Variants in TECR observed in about 807,000 individuals in gnomAD.
TECR encodes the protein very-long-chain enoyl-CoA reductase.
TECR carries 19 observed loss-of-function variants against 50.6 expected under a neutral mutation model. That is an observed-to-expected ratio of 0.38 (90% CI 0.26 to 0.55). The LOEUF (loss-of-function observed/expected upper bound fraction) is 0.55, where lower values mean the gene tolerates loss of function less well. TECR is among the 20% of genes least tolerant of loss of function. The pLI, the probability that TECR is intolerant of heterozygous loss-of-function variation, is 0.79. For missense variants in TECR, 313 were observed against 408.3 expected (o/e 0.77, Z 2.01); for synonymous variants, 168 against 163.5 (o/e 1.03, Z -0.21).
At chr19:14,549,137 G>A (rs994107755) in intron 1 of TECR, among the ~76,000 whole-genome samples, 1 of 151,600 alleles carries the variant, frequency 6.6e-6, no homozygotes, top group Non-Finnish European at 1.5e-5. Context: ...TTGCCCTATC[G>A]GCTGTAGTTT....
At chr19:14,564,759 T>G in intron 7 of TECR, 27 bp from the exon 8 acceptor site, 15 of 1,606,588 alleles carry the variant, frequency 9.3e-6, no homozygotes, top group Non-Finnish European at 1.3e-5. Context: ...CTGGCCCAAG[T>G]CCCATCCCTG....
intron 1 of TECR, among the ~76,000 whole-genome samples, chr19:14,541,192 G>C (rs1475002683): frequency 6.6e-6 from 1 of 152,152 alleles, no homozygotes; most frequent in African/African-American, 2.4e-5. Flanking sequence ...TGCCCAGGCT[G>C]GTCTTGAACT....
rs1246611374 is a variant in TECR at position 14,529,594 on chromosome 19, G to C, written c.-103G>C. 1 of 1,578,558 alleles carries C rather than the reference G, an allele frequency of 6.3e-7. No homozygotes were observed. The highest frequency in any genetic ancestry group is 8.7e-7 in the Non-Finnish European group (1 of 1,149,248). On this transcript the variant is annotated 5_prime_UTR_variant, in exon 1 of 13. Transcript: ENST00000215567. ...AGGGGCGGGGCGGACGCAGAGCCGC[G>C]TTTAGTCTATCGCTGCGGTTGCGAG...
In TECR at chr19:14,543,419, A is replaced by T. The variant is rs12984988; in HGVS notation, c.15+13708A>T. On this transcript the variant is annotated intron_variant, in intron 1 of 12. Transcript: ENST00000215567. ...TATATATATATATATATATATATAT[A>T]TTTTTTTTTTTTTTTTTTTTTTTTT... Among the ~76,000 whole-genome samples the T allele has an allele frequency of 9.2e-3, 201 of 21,762 alleles. 15 individuals are homozygous for T. Among genetic ancestry groups the T allele is most frequent in the Non-Finnish European group, 0.011 (144 of 13,680 alleles). The allele number at this position is 21,762 out of a possible 152,430, so 14.3% of individuals were successfully genotyped here. A position where few individuals can be genotyped will look rare whatever the true frequency, so the allele number is the denominator to read the frequency against.
At chr19:14,534,406 G>T (rs1050244234) in intron 1 of TECR, among the ~76,000 whole-genome samples, 31 of 142,790 alleles carry the variant, frequency 2.2e-4, no homozygotes, top group African/African-American at 8.2e-4. Context: ...TTACAGGAGT[G>T]AGCCACCATG....
In TECR at chr19:14,532,908, G is replaced by C. The variant is rs183313671; in HGVS notation, c.15+3197G>C. Among the ~76,000 whole-genome samples, 230 of 152,006 alleles carry C rather than the reference G, an allele frequency of 1.5e-3. 2 individuals are homozygous for C. Among genetic ancestry groups the C allele is most frequent in the African/African-American group, 5.3e-3 (221 of 41,468 alleles). On this transcript the variant is annotated intron_variant, in intron 1 of 12. Coordinates refer to ENST00000215567, the MANE Select transcript of TECR (RefSeq NM_138501.6). ...GTGAATCACTTGAAGTCAGGAGTTC[G>C]AGACCAGCCTGGTCAACATGGTGAA... is the stretch of plus-strand genomic sequence containing the variant.
intron 1 of TECR, among the ~76,000 whole-genome samples, chr19:14,544,816 A>G (rs1356626023): frequency 6.6e-6 from 1 of 151,814 alleles, no homozygotes; most frequent in Non-Finnish European, 1.5e-5. Flanking sequence ...AATTTTCTGT[A>G]GAGATGGGGT....
rs771826645 is a variant in TECR at position 14,565,632 on chromosome 19, C to T, written c.768C>T (p.Ile256=). The change falls in exon 12 of 13, where the codon ATC becomes ATT. Residue 256 remains isoleucine (I), a synonymous_variant. Transcript: ENST00000215567. ...PNYTYEVGSW[I]GFAIMTQCLP... ...CCTGCCCACAGGTGGGGTCCTGGAT[C>T]GGTTTCGCCATCATGACGCAGTGTC... The T allele has an allele frequency of 2.5e-6, 4 of 1,612,190 alleles. No homozygotes were observed. The highest frequency in any genetic ancestry group is 1.7e-5 in the Admixed American group (1 of 59,950).
chr19:14,554,445 G>T (rs2073647689), intron 1 of TECR, among the ~76,000 whole-genome samples: 1 of 152,090 alleles, frequency 6.6e-6, no homozygotes, highest in Non-Finnish European at 1.5e-5. Flanking sequence ...GTGCCTTGCT[G>T]GGTCCTGTGG....
At position 14,556,498 on chromosome 19, in the gene TECR, A is replaced by G. The variant is rs8108913; in HGVS notation, c.16-6027A>G. Among the ~76,000 whole-genome samples, 157 of 151,976 alleles carry G rather than the reference A, an allele frequency of 1.0e-3. 1 individual carries two copies. Among genetic ancestry groups the G allele is most frequent in the African/African-American group, 3.6e-3 (149 of 41,472 alleles). ...ACAACTCTTGGTGACAAAACATGCT[A>G]TGGCTATCTGCCCCCACCCCCTGCT... On this transcript the variant is annotated intron_variant, in intron 1 of 12. Transcript: ENST00000215567.
chr19:14,565,294 A>T lies in TECR; in HGVS notation c.753+4A>T. ...CTGCCCCAACTACACCTACGAGGTG[A>T]GGGGCTGCCTTACCCCTCTCTGCCC... is the stretch of plus-strand genomic sequence containing the variant. On this transcript the variant is annotated splice_donor_region_variant and intron_variant, in intron 11 of 12. Transcript: ENST00000215567. 1 of 1,612,534 alleles carries T rather than the reference A, an allele frequency of 6.2e-7. No homozygotes were observed. The highest frequency in any genetic ancestry group is 8.5e-7 in the Non-Finnish European group (1 of 1,179,850).
chr19:14,540,216 C>T (rs541542056), intron 1 of TECR, among the ~76,000 whole-genome samples: 55 of 151,714 alleles, frequency 3.6e-4, no homozygotes, highest in Non-Finnish European at 6.5e-4. Flanking sequence ...CCCACCACCA[C>T]GCCTGGCTAA....
At chr19:14,536,181 G>T (rs373817155) in intron 1 of TECR, among the ~76,000 whole-genome samples, 21 of 152,210 alleles carry the variant, frequency 1.4e-4, no homozygotes, top group African/African-American at 5.1e-4. Context: ...ATGCTTACGG[G>T]CTTTGGATCA....
At chr19:14,543,681 T>A (rs113110209) in intron 1 of TECR, among the ~76,000 whole-genome samples, 3 of 144,660 alleles carry the variant, frequency 2.1e-5, no homozygotes, top group African/African-American at 5.1e-5. Context: ...CTCGTGATCC[T>A]CCCGCCTCGG....
chr19:14,541,981 ACATGTTGGC>A (rs1361582758), intron 1 of TECR, among the ~76,000 whole-genome samples: 5 of 151,950 alleles, frequency 3.3e-5, no homozygotes, highest in African/African-American at 1.2e-4. Flanking sequence ...ACCGGGTTTC[ACATGTTGGC>A]CAGGCTGGTT....
intron 1 of TECR, chr19:14,544,977 C>T (rs966434130): frequency 1.7e-5 from 7 of 406,282 alleles, no homozygotes; most frequent in African/African-American, 6.2e-5. Context: ...CTAGGAACTG[C>T]GGTGTCCTTT....
intron 1 of TECR, among the ~76,000 whole-genome samples, chr19:14,537,436 A>C (rs1254551317): frequency 4.4e-5 from 6 of 135,490 alleles, no homozygotes; most frequent in Admixed American, 3.6e-4. Flanking sequence ...TTCTGGACTA[A>C]CTGGTTCCTG....
chr19:14,565,669 C>G lies in TECR; in HGVS notation c.799+6C>G, dbSNP rs10405483. 8.1e-6 allele frequency: 13 copies of G among 1,612,182 alleles called. No individual in the cohort carries two copies. Among genetic ancestry groups the G allele is most frequent in the Non-Finnish European group, 1.0e-5 (12 of 1,179,726 alleles). On this transcript the variant is annotated splice_donor_region_variant and intron_variant, in intron 12 of 12. Coordinates refer to ENST00000215567, the MANE Select transcript of TECR (RefSeq NM_138501.6). ...CATGACGCAGTGTCTCCCAGGTGAGCCTGCCGCCCTCCCTCGGCGGGGCCC... is the reference window on the plus strand; with the variant it reads ...CATGACGCAGTGTCTCCCAGGTGAGGCTGCCGCCCTCCCTCGGCGGGGCCC...
chr19:14,542,345 G>GTTTTTTT (rs2073123375), intron 1 of TECR, among the ~76,000 whole-genome samples: 1 of 61,000 alleles, frequency 1.6e-5, no homozygotes, highest in South Asian at 4.6e-4. Flanking sequence ...TCATGCCATA[G>GTTTTTTT]TGTTTTTTTT....
Sources: allele counts gnomAD v4.1 joint callset (sites outside exome capture counted in the v4.1 genomes callset), GRCh38; gene constraint gnomAD v4.1.1; transcripts MANE v1.5; gene names NCBI Gene and HGNC (gene_info 2026-07-23, HGNC 2026-07-21).